The following JPH2 variants were observed in gnomAD, a reference collection of about 807,000 sequenced individuals.
JPH2 encodes junctophilin-2.
JPH2 carries 38 observed loss-of-function variants against 55.9 expected under a neutral mutation model. The ratio of observed to expected loss-of-function variants is 0.68; its 90% CI spans 0.52 to 0.89. The LOEUF (loss-of-function observed/expected upper bound fraction) is 0.89, where lower values mean the gene tolerates loss of function less well. JPH2 is among the 40% of genes least tolerant of loss of function. The pLI, the probability that JPH2 is intolerant of heterozygous loss-of-function variation, is 0.00. For synonymous variants in JPH2, 480 were observed against 472.4 expected (o/e 1.02, Z -0.21); for missense variants, 964 against 1,037.6 (o/e 0.93, Z 0.97).
intron 2 of JPH2, among the ~76,000 whole-genome samples, chr20:44,121,391 G>A (rs1252681137): frequency 2.0e-5 from 3 of 152,104 alleles, no homozygotes; most frequent in African/African-American, 4.8e-5. Context: ...AGAACTGGGC[G>A]CACGGTAAGG....
rs1368986559 is a variant in JPH2, at chr20:44,160,192, C to T, written c.595G>A (p.Gly199Ser). 1 of 1,400,406 alleles carries T rather than the reference C, an allele frequency of 7.1e-7. No individual in the cohort carries two copies. Among genetic ancestry groups the T allele is most frequent in the African/African-American group, 1.5e-5 (1 of 65,458 alleles). The allele number at this position is 1,400,406 out of a possible 1,614,324, so 86.7% of individuals were successfully genotyped here. ...TTGGCCAGGAGGCTGAGCGCGAAGCCGCCACGCGGGATGGCGGGCGAGGGC... is the reference window on the plus strand; with the variant it reads ...TTGGCCAGGAGGCTGAGCGCGAAGCTGCCACGCGGGATGGCGGGCGAGGGC... ...ALPSPAIPRG[G>S]FALSLLANAE... Residue 199 changes from glycine (G) to serine (S), a missense_variant, in exon 2 of 6, where the codon GGC (glycine) becomes AGC (serine). By Grantham distance (56) the Gly-to-Ser change is moderately conservative (BLOSUM62 0). Coordinates refer to ENST00000372980, the MANE Select transcript of JPH2 (RefSeq NM_020433.5). The surrounding 1 kb of genome is among the most constrained non-coding windows in gnomAD (Gnocchi z 4.9).
In JPH2 at chr20:44,109,922, A is replaced by T. The variant is rs1600825461; in HGVS notation, c.*3596T>A. 1.3e-5 allele frequency among the ~76,000 whole-genome samples: 2 copies of T among 151,968 alleles called. No homozygotes were observed. Among genetic ancestry groups the T allele is most frequent in the African/African-American group, 4.8e-5 (2 of 41,350 alleles). On this transcript the variant is annotated 3_prime_UTR_variant, in exon 6 of 6. Coordinates refer to ENST00000372980, the MANE Select transcript of JPH2 (RefSeq NM_020433.5). ...ACTGCCCTGGAAGAGTCCTGCAGAG[A>T]CCTCAAGGCAGTGGGCCAGCATTGC...
chr20:44,153,223 C>T (rs6124624), intron 2 of JPH2, among the ~76,000 whole-genome samples: 1 of 152,176 alleles, frequency 6.6e-6, no homozygotes, highest in Non-Finnish European at 1.5e-5. Context: ...CTTACACCTC[C>T]TTGCATGCTT....
chr20:44,177,995 A>G, intron 1 of JPH2: 1 of 953,952 alleles, frequency 1.0e-6, no homozygotes. Flanking sequence ...AGGAAACAGA[A>G]GCTCAGGGAG....
intron 2 of JPH2, among the ~76,000 whole-genome samples, chr20:44,122,269 G>A (rs2072242914): frequency 6.6e-6 from 1 of 152,196 alleles, no homozygotes; most frequent in African/African-American, 2.4e-5. Context: ...GGGGCAAGGA[G>A]ACAGCCTAGG....
intron 2 of JPH2, among the ~76,000 whole-genome samples, chr20:44,134,824 TA>T (rs1458252697): frequency 1.2e-4 from 10 of 86,526 alleles, no homozygotes; most frequent in African/African-American, 2.2e-4. Flanking sequence ...TAAATATTTA[TA>T]AATATACATA....
chr20:44,186,315 A>G lies in JPH2; in HGVS notation c.379+12T>C, dbSNP rs763058686. On this transcript the variant is annotated intron_variant, in intron 1 of 5. Transcript: ENST00000372980. ...CTCCACCCCACCTCTGCGGGCCCCCAGCTGGCCTCACCTCCATCAGCATAG... is the reference window on the plus strand; with the variant it reads ...CTCCACCCCACCTCTGCGGGCCCCCGGCTGGCCTCACCTCCATCAGCATAG... 4 of 1,599,884 alleles carry G rather than the reference A, an allele frequency of 2.5e-6. No individual in the cohort carries two copies. The African/African-American group carries it at 5.5e-5, about 22-fold the overall frequency.
intron 2 of JPH2, among the ~76,000 whole-genome samples, chr20:44,148,050 C>A (rs894288039): frequency 3.0e-4 from 45 of 152,222 alleles, no homozygotes; most frequent in African/African-American, 1.0e-3. Flanking sequence ...GTAATCCCAG[C>A]GACTCGGGAG....
chr20:44,186,550 G>A lies in JPH2; in HGVS notation c.156C>T (p.Tyr52=), dbSNP rs1883790. The A allele has an allele frequency of 0.84, 1,349,538 of 1,613,862 alleles. 565,409 individuals carry two copies. Among genetic ancestry groups the A allele is most frequent in the African/African-American group, 0.94 (70,185 of 74,996 alleles). ...CAAAGGTGTTTCCGCTGGGCCAGGT[G>A]TAGACACCTGCCACCTCAAAGCCAA... ...WNFGFEVAGV[Y]TWPSGNTFEG... Residue 52 remains tyrosine, a synonymous_variant, in exon 1 of 6, where the codon TAC becomes TAT. Transcript: ENST00000372980.
At chr20:44,149,941 C>T (rs973771130) in intron 2 of JPH2, among the ~76,000 whole-genome samples, 2 of 140,250 alleles carry the variant, frequency 1.4e-5, no homozygotes, top group African/African-American at 5.3e-5. Context: ...TCATCCACTG[C>T]ACTCCAGCCT....
In JPH2 at chr20:44,110,152, G is replaced by A. The variant is rs76540718; in HGVS notation, c.*3366C>T. Among the ~76,000 whole-genome samples the A allele has an allele frequency of 6.6e-6, 1 of 151,958 alleles. No individual in the cohort carries two copies. Among genetic ancestry groups the A allele is most frequent in the African/African-American group, 2.4e-5 (1 of 41,362 alleles). On this transcript the variant is annotated 3_prime_UTR_variant, in exon 6 of 6. Coordinates refer to ENST00000372980, the MANE Select transcript of JPH2 (RefSeq NM_020433.5). ...CTCCAAACCTGGGGCTCAGGAAGCC[G>A]CCTCCTTTGCACACCATCCAAAGTG... is the stretch of plus-strand genomic sequence containing the variant.
At chr20:44,178,979 T>C (rs953324169) in intron 1 of JPH2, among the ~76,000 whole-genome samples, 5 of 152,168 alleles carry the variant, frequency 3.3e-5, no homozygotes, top group African/African-American at 1.2e-4. Context: ...TCAGAGTCAA[T>C]TGGACTAAAA....
intron 1 of JPH2, among the ~76,000 whole-genome samples, chr20:44,165,341 A>T (rs1475992870): frequency 6.6e-6 from 1 of 151,962 alleles, no homozygotes; most frequent in African/African-American, 2.4e-5. Flanking sequence ...GCAAATATCT[A>T]TCAGGAAAGT....
chr20:44,148,113 A>G (rs1195542611), intron 2 of JPH2, among the ~76,000 whole-genome samples: 4 of 152,284 alleles, frequency 2.6e-5, no homozygotes, highest in Non-Finnish European at 5.9e-5. Context: ...CGGTGAGCCA[A>G]GATCACACCA....
chr20:44,166,169 T>C (rs942376682), intron 1 of JPH2, among the ~76,000 whole-genome samples: 1 of 152,228 alleles, frequency 6.6e-6, no homozygotes, highest in Admixed American at 6.5e-5. Flanking sequence ...GTTTTGTCCA[T>C]CTGCAAACAG....
intron 5 of JPH2, among the ~76,000 whole-genome samples, chr20:44,114,402 A>T (rs760869710): frequency 6.6e-6 from 1 of 152,142 alleles, no homozygotes; most frequent in Non-Finnish European, 1.5e-5. Flanking sequence ...GTTCAGGGTT[A>T]CTTTCATTAT....
intron 2 of JPH2, among the ~76,000 whole-genome samples, chr20:44,120,085 T>C (rs1235763538): frequency 1.3e-5 from 2 of 151,978 alleles, no homozygotes; most frequent in African/African-American, 2.4e-5. Context: ...CCCTACGCCA[T>C]CCTGCCTCTC....
intron 2 of JPH2, among the ~76,000 whole-genome samples, chr20:44,134,092 ATATATTTAT>A (rs2072355471): frequency 2.6e-5 from 1 of 38,202 alleles, no homozygotes; most frequent in Non-Finnish European, 4.4e-5. Context: ...TATTATAAAT[ATATATTTAT>A]TATAAATATA....
chr20:44,117,137 G>A (rs953717172), intron 3 of JPH2, among the ~76,000 whole-genome samples: 3 of 152,164 alleles, frequency 2.0e-5, no homozygotes, highest in Non-Finnish European at 4.4e-5. Context: ...AAATTAGCTG[G>A]GCATGGTGGC....
Sources: allele counts gnomAD v4.1 joint callset (sites outside exome capture counted in the v4.1 genomes callset), GRCh38; gene constraint gnomAD v4.1.1; non-coding constraint Gnocchi (gnomAD v3.1); transcripts MANE v1.5; gene names NCBI Gene and HGNC (gene_info 2026-07-23, HGNC 2026-07-21).